CDH2: variants seen among roughly 807,000 people sequenced by gnomAD.
The protein encoded by CDH2 is cadherin-2.
Under a neutral mutation model 92.0 loss-of-function variants are expected in CDH2, and 17 were observed. The ratio of observed to expected loss-of-function variants is 0.18; its 90% CI spans 0.13 to 0.28. CDH2 has a LOEUF of 0.28. Ranked by LOEUF, CDH2 falls within the 10% of genes least tolerant of loss-of-function variation. The pLI is 1.00. For synonymous variants in CDH2, 419 were observed against 415.9 expected (o/e 1.01, Z -0.09); for missense variants, 862 against 1,133.1 (o/e 0.76, Z 3.44).
intron 2 of CDH2, among the ~76,000 whole-genome samples, chr18:28,079,849 T>C (rs1433725465): frequency 1.3e-5 from 2 of 152,214 alleles, no homozygotes; most frequent in South Asian, 2.1e-4. Context: ...CATGTGACCA[T>C]AGGGACTTAA....
intron 2 of CDH2, among the ~76,000 whole-genome samples, chr18:28,132,469 T>C (rs1394713142): frequency 1.3e-5 from 2 of 151,884 alleles, no homozygotes; most frequent in African/African-American, 2.4e-5. Flanking sequence ...AGAGAACCAC[T>C]GAGGGAAAGG....
At chr18:28,168,666 C>A in intron 1 of CDH2, 1 of 376,700 alleles carries the variant, frequency 2.7e-6, no homozygotes, top group Non-Finnish European at 3.7e-6. Flanking sequence ...ATGAATGCTT[C>A]TAAAATGTTT....
intron 1 of CDH2, among the ~76,000 whole-genome samples, chr18:28,169,653 ACTAT>A (rs565143816): frequency 1.2e-3 from 177 of 152,342 alleles, no homozygotes; most frequent in African/African-American, 4.0e-3. Flanking sequence ...AGGTAAGTAC[ACTAT>A]CTAATTTTTA....
chr18:28,104,855 A>C (rs184973737), intron 2 of CDH2, among the ~76,000 whole-genome samples: 9 of 152,086 alleles, frequency 5.9e-5, no homozygotes, highest in Non-Finnish European at 1.0e-4. Context: ...TATGTGAATG[A>C]AGATGATTAT....
chr18:27,966,439 C>A (rs1257131104), intron 14 of CDH2, among the ~76,000 whole-genome samples: 1 of 152,326 alleles, frequency 6.6e-6, no homozygotes, highest in Admixed American at 6.5e-5. Flanking sequence ...ATGCTACTCC[C>A]TATCTGGGAA....
chr18:28,170,923 C>CA (rs55875974), intron 1 of CDH2, among the ~76,000 whole-genome samples: 39,213 of 137,158 alleles, frequency 0.29, 5,750 homozygotes, highest in Middle Eastern at 0.47. Context: ...ATACCTGTAC[C>CA]AAAAAAAAAA....
chr18:28,141,935 T>C (rs1008796310), intron 2 of CDH2, among the ~76,000 whole-genome samples: 1 of 151,386 alleles, frequency 6.6e-6, no homozygotes, highest in African/African-American at 2.4e-5. Context: ...CAACATCAGT[T>C]CTTACTCAAT....
intron 2 of CDH2, among the ~76,000 whole-genome samples, chr18:28,070,037 G>A (rs867530348): frequency 2.0e-5 from 3 of 152,078 alleles, no homozygotes; most frequent in Non-Finnish European, 2.9e-5. Context: ...TAGGAAACAC[G>A]GCAACTAACC....
chr18:27,985,514 T>G lies in CDH2; in HGVS notation c.1975+14A>C, dbSNP rs1167732273. The G allele has an allele frequency of 6.5e-7, 1 of 1,528,228 alleles. No homozygotes were observed. The highest frequency in any genetic ancestry group is 1.7e-5 in the Admixed American group (1 of 58,246). 94.7% of individuals were successfully genotyped at this position (1,528,228 alleles called of 1,614,324 possible). A position where few individuals can be genotyped will look rare whatever the true frequency, so the allele number is the denominator to read the frequency against. ...TCAACTGCACATATATTCAAATAAT[T>G]AACCTGTTCTTACCATTAAGCCGAG... On this transcript the variant is annotated intron_variant, in intron 12 of 15. Coordinates refer to ENST00000269141, the MANE Select transcript of CDH2 (RefSeq NM_001792.5).
intron 2 of CDH2, among the ~76,000 whole-genome samples, chr18:28,026,610 A>G (rs541980786): frequency 2.1e-4 from 32 of 152,260 alleles, no homozygotes; most frequent in African/African-American, 7.2e-4. Context: ...CAGCCCAAGG[A>G]GCTACCTGCT....
chr18:28,166,121 T>C lies in CDH2; in HGVS notation c.60+10842A>G, dbSNP rs541311383. 2.9e-4 allele frequency among the ~76,000 whole-genome samples: 32 copies of C among 111,902 alleles called. No homozygotes were observed. In the South Asian group the frequency reaches 5.1e-3, roughly 18 times the overall value. 73.4% of individuals were successfully genotyped at this position (111,902 alleles called of 152,430 possible). On this transcript the variant is annotated intron_variant, in intron 1 of 15. Transcript: ENST00000269141. The stretch of plus-strand genomic sequence containing the variant: ...GTCTCAATTTATATGACTGCTTACC[T>C]ACCAAAGAGGAGTAATTCAGACACA...
chr18:28,037,891 A>G (rs1266753793), intron 2 of CDH2, among the ~76,000 whole-genome samples: 1 of 152,150 alleles, frequency 6.6e-6, no homozygotes, highest in Non-Finnish European at 1.5e-5. Flanking sequence ...TGGGAACAGG[A>G]ATCTCAAAAG....
chr18:28,077,548 G>GA (rs1384695374), intron 2 of CDH2, among the ~76,000 whole-genome samples: 7 of 151,918 alleles, frequency 4.6e-5, no homozygotes, highest in Non-Finnish European at 1.0e-4. Context: ...GGACTAAGCA[G>GA]AAAAAATGAA....
intron 2 of CDH2, among the ~76,000 whole-genome samples, chr18:28,091,019 T>C (rs1188240147): frequency 1.3e-5 from 2 of 152,218 alleles, no homozygotes; most frequent in African/African-American, 4.8e-5. Flanking sequence ...CCGGGCAGTT[T>C]ACATTGATTT....
At chr18:28,093,244 A>C (rs1389862387) in intron 2 of CDH2, among the ~76,000 whole-genome samples, 1 of 152,226 alleles carries the variant, frequency 6.6e-6, no homozygotes, top group South Asian at 2.1e-4. Flanking sequence ...CTGGCATTTC[A>C]GAGAGTTGAA....
intron 2 of CDH2, among the ~76,000 whole-genome samples, chr18:28,106,369 A>G (rs1032596947): frequency 6.6e-6 from 1 of 152,100 alleles, no homozygotes; most frequent in Non-Finnish European, 1.5e-5. Context: ...GTGAGCCGAG[A>G]TGGCGCTACT....
At chr18:27,964,198 C>T (rs1264328444) in intron 14 of CDH2, among the ~76,000 whole-genome samples, 1 of 152,122 alleles carries the variant, frequency 6.6e-6, no homozygotes, top group Non-Finnish European at 1.5e-5. Context: ...GGTGGTAGAC[C>T]AGAGAGAGGG....
intron 6 of CDH2, among the ~76,000 whole-genome samples, chr18:27,936,288 A>G (rs1050275680): frequency 1.3e-5 from 2 of 152,112 alleles, no homozygotes; most frequent in African/African-American, 4.8e-5. Flanking sequence ...AGACATTGTT[A>G]TATGCTCATT....
intron 2 of CDH2, among the ~76,000 whole-genome samples, chr18:28,074,211 A>C (rs1391158369): frequency 6.6e-6 from 1 of 152,178 alleles, no homozygotes; most frequent in South Asian, 2.1e-4. Flanking sequence ...AGCAAAGATC[A>C]AATGAGGCCA....
Sources: gnomAD v4.1 joint callset for allele counts (sites outside exome capture counted in the v4.1 genomes callset) on GRCh38, gnomAD v4.1.1 for gene constraint, MANE v1.5 for transcripts, NCBI Gene and HGNC (gene_info 2026-07-23, HGNC 2026-07-21) for gene names.